SSBP3: variants seen among roughly 807,000 people sequenced by gnomAD.
SSBP3 encodes single-stranded DNA-binding protein 3.
SSBP3 carries 5 observed loss-of-function variants against 69.6 expected under a neutral mutation model. That is an observed-to-expected ratio of 0.07 (90% CI 0.04 to 0.15). The LOEUF is 0.15. Among genes scored for constraint, SSBP3 ranks in the 10% least tolerant of loss-of-function variants. SSBP3 has a pLI of 1.00. For synonymous variants in SSBP3, 196 were observed against 193.4 expected (o/e 1.01, Z -0.11); for missense variants, 312 against 534.0 (o/e 0.58, Z 4.10).
chr1:54,380,465 G>A (rs1337486314), intron 4 of SSBP3, among the ~76,000 whole-genome samples: 3 of 152,192 alleles, frequency 2.0e-5, no homozygotes, highest in Admixed American at 1.3e-4. Flanking sequence ...TGGAAAGAAC[G>A]CCGTGCCGAC....
intron 5 of SSBP3, among the ~76,000 whole-genome samples, chr1:54,277,862 G>C (rs1209122485): frequency 1.3e-5 from 2 of 152,064 alleles, no homozygotes; most frequent in African/African-American, 2.4e-5. Context: ...AACCCACCCA[G>C]ATCAGTGAGG....
intron 4 of SSBP3, among the ~76,000 whole-genome samples, chr1:54,373,769 GAA>G (rs567212062): frequency 2.9e-5 from 3 of 104,526 alleles, no homozygotes; most frequent in Admixed American, 1.0e-4. Flanking sequence ...CCTGTTTCAA[GAA>G]AAAAAAAAAA....
chr1:54,299,984 C>T (rs1645772648), intron 4 of SSBP3, among the ~76,000 whole-genome samples: 3 of 152,140 alleles, frequency 2.0e-5, no homozygotes, highest in Admixed American at 2.0e-4. Flanking sequence ...TACAGACTTC[C>T]CAGACACTGG....
intron 4 of SSBP3, among the ~76,000 whole-genome samples, chr1:54,394,343 G>A (rs766000287): frequency 6.6e-5 from 10 of 152,162 alleles, no homozygotes; most frequent in East Asian, 1.9e-4. Flanking sequence ...TATATATTTC[G>A]TTACAACACA....
intron 13 of SSBP3, 91 bp from the exon 14 acceptor site, chr1:54,239,290 T>C: frequency 9.5e-7 from 1 of 1,047,942 alleles, no homozygotes; most frequent in Non-Finnish European, 1.4e-6. Context: ...TCTTTTGTAT[T>C]TTATAACCTA....
intron 4 of SSBP3, among the ~76,000 whole-genome samples, chr1:54,355,970 T>C (rs936901565): frequency 6.6e-6 from 1 of 152,168 alleles, no homozygotes; most frequent in African/African-American, 2.4e-5. Context: ...AATGTGCCAG[T>C]AATTCTAGTG....
intron 4 of SSBP3, chr1:54,325,480 A>G (rs1190039092): frequency 6.0e-6 from 1 of 167,134 alleles, no homozygotes; most frequent in African/African-American, 2.4e-5. Context: ...ATGCCATACC[A>G]AAGCTTTCCA....
chr1:54,373,816 A>T (rs1647174640), intron 4 of SSBP3, among the ~76,000 whole-genome samples: 1 of 149,472 alleles, frequency 6.7e-6, no homozygotes, highest in African/African-American at 2.4e-5. Flanking sequence ...ACCAGCTCAG[A>T]ATTGCCCCCA....
At chr1:54,243,935 TG>T (rs1242067016) in intron 9 of SSBP3, among the ~76,000 whole-genome samples, 1 of 152,180 alleles carries the variant, frequency 6.6e-6, no homozygotes, top group Non-Finnish European at 1.5e-5. Context: ...AGTTTTTTTT[TG>T]TTTTGTTTGT....
chr1:54,313,557 G>A (rs1218576828), intron 4 of SSBP3, among the ~76,000 whole-genome samples: 3 of 146,884 alleles, frequency 2.0e-5, no homozygotes, highest in Non-Finnish European at 3.0e-5. Flanking sequence ...GAGTAGCTAT[G>A]CCTATGCTTT....
At chr1:54,336,423 T>C (rs931292204) in intron 4 of SSBP3, among the ~76,000 whole-genome samples, 3 of 151,946 alleles carry the variant, frequency 2.0e-5, no homozygotes, top group Admixed American at 6.5e-5. Context: ...AGGGACTGCA[T>C]TCAATTCCTG....
chr1:54,332,783 C>T (rs1245601848), intron 4 of SSBP3, among the ~76,000 whole-genome samples: 2 of 152,144 alleles, frequency 1.3e-5, no homozygotes, highest in Admixed American at 1.3e-4. Flanking sequence ...GCCAAAGCTG[C>T]CACTCAACAA....
In SSBP3 at chr1:54,382,026, G is replaced by A. The variant is rs887706544; in HGVS notation, c.276+19835C>T. On this transcript the variant is annotated intron_variant, in intron 4 of 17. Coordinates refer to ENST00000610401, the Ensembl canonical transcript of SSBP3. ...CTGGCCAACATGGTGAAACCCCATC[G>A]CTACTAAAAATACAAAAATTAGCTG... is the stretch of plus-strand genomic sequence containing the variant. Among the ~76,000 whole-genome samples the A allele has an allele frequency of 3.9e-5, 6 of 151,968 alleles. No individual in the cohort carries two copies. In the East Asian group the frequency reaches 5.8e-4, roughly 15 times the overall value.
intron 4 of SSBP3, among the ~76,000 whole-genome samples, chr1:54,393,131 A>G (rs1169136425): frequency 1.3e-5 from 2 of 152,242 alleles, no homozygotes; most frequent in Non-Finnish European, 2.9e-5. Context: ...TCACTAGGAG[A>G]GAAGAAAATG....
upstream of SSBP3, among the ~76,000 whole-genome samples, chr1:54,409,529 C>T (rs1252693072): frequency 6.6e-6 from 1 of 152,042 alleles, no homozygotes; most frequent in Non-Finnish European, 1.5e-5. Flanking sequence ...GAAAACTCAC[C>T]CCAGCCCCAA....
At chr1:54,308,012 G>A (rs1373825737) in intron 4 of SSBP3, among the ~76,000 whole-genome samples, 5 of 152,114 alleles carry the variant, frequency 3.3e-5, no homozygotes, top group East Asian at 3.8e-4. Flanking sequence ...TTTCTTGTGC[G>A]AGATCCAAGA....
intron 5 of SSBP3, among the ~76,000 whole-genome samples, chr1:54,273,055 T>G (rs1645223133): frequency 6.6e-6 from 1 of 152,098 alleles, no homozygotes; most frequent in South Asian, 2.1e-4. Flanking sequence ...GAGGACGTGG[T>G]GTGTAGCCCA....
intron 5 of SSBP3, among the ~76,000 whole-genome samples, chr1:54,276,463 T>C (rs952265851): frequency 2.6e-5 from 4 of 151,278 alleles, no homozygotes; most frequent in Admixed American, 2.6e-4. Context: ...ATACAAAAAT[T>C]AGCCGGGCAT....
chr1:54,275,196 C>T (rs958514991), intron 5 of SSBP3, among the ~76,000 whole-genome samples: 2 of 152,188 alleles, frequency 1.3e-5, no homozygotes, highest in African/African-American at 4.8e-5. Flanking sequence ...GGCTAAGGGA[C>T]GACCAAGCAA....
Sources: gnomAD v4.1 joint callset for allele counts (sites outside exome capture counted in the v4.1 genomes callset) on GRCh38, gnomAD v4.1.1 for gene constraint, MANE v1.5 for transcripts, NCBI Gene and HGNC (gene_info 2026-07-23, HGNC 2026-07-21) for gene names.